The following LMAN2 variants were observed in gnomAD, a reference collection of about 807,000 sequenced individuals.
The protein encoded by LMAN2 is vesicular integral-membrane protein VIP36.
In LMAN2, 22 loss-of-function variants were observed where a neutral mutation model predicts 39.3. The ratio of observed to expected loss-of-function variants is 0.56; its 90% CI spans 0.40 to 0.80. The LOEUF is 0.80. LMAN2 is among the 30% of genes least tolerant of loss of function. LMAN2 has a pLI of 0.00. For synonymous variants in LMAN2, 207 were observed against 207.8 expected (o/e 1.00, Z 0.03); for missense variants, 494 against 505.4 (o/e 0.98, Z 0.22).
intron 7 of LMAN2, among the ~76,000 whole-genome samples, chr5:177,333,169 G>A (rs1212295343): frequency 6.6e-6 from 1 of 152,202 alleles, no homozygotes; most frequent in Non-Finnish European, 1.5e-5. Context: ...TGCTTCCCCA[G>A]AAAGCCACTC....
At position 177,332,693 on chromosome 5, in the gene LMAN2, G is replaced by A. The variant is rs1761408152; in HGVS notation, c.911-447C>T. ...GCTGGATGCTCTCGGCAGCCCCCCA[G>A]GAGGGTCTCCCAGGACCTGAGTCCC... On this transcript the variant is annotated intron_variant, in intron 7 of 7. Transcript: ENST00000303127. This position sits in a 1 kb window ranked among gnomAD's most constrained non-coding sequence, Gnocchi z 6.3. Among the ~76,000 whole-genome samples the A allele has an allele frequency of 6.6e-6, 1 of 152,038 alleles. No homozygotes were observed. Among genetic ancestry groups the A allele is most frequent in the Admixed American group, 6.5e-5 (1 of 15,276 alleles).
intron 2 of LMAN2, among the ~76,000 whole-genome samples, chr5:177,340,388 T>C (rs972313003): frequency 5.9e-5 from 9 of 152,214 alleles, no homozygotes; most frequent in Non-Finnish European, 1.0e-4. Flanking sequence ...TACATGGGTA[T>C]ACTGCACCCA....
chr5:177,345,740 T>C lies in LMAN2; in HGVS notation c.315+5433A>G, dbSNP rs540965566. On this transcript the variant is annotated intron_variant, in intron 2 of 7. Transcript: ENST00000303127. ...GCTCGCAGCAGCCATGGCATGCATT[T>C]ATTTATTTATTTATTTATTTATTTA... 7.0e-3 allele frequency among the ~76,000 whole-genome samples: 874 copies of C among 123,992 alleles called. 11 individuals are homozygous for C. Among genetic ancestry groups the C allele is most frequent in the African/African-American group, 0.029 (810 of 27,980 alleles). 81.3% of individuals were successfully genotyped at this position (123,992 alleles called of 152,430 possible).
chr5:177,350,276 C>A (rs962983141), intron 2 of LMAN2, among the ~76,000 whole-genome samples: 41 of 152,320 alleles, frequency 2.7e-4, no homozygotes, highest in African/African-American at 9.4e-4. Context: ...AAAACTAGAA[C>A]ACTGGCCAAC....
intron 2 of LMAN2, among the ~76,000 whole-genome samples, chr5:177,344,150 C>T (rs945055438): frequency 1.3e-5 from 2 of 150,968 alleles, no homozygotes; most frequent in Admixed American, 1.3e-4. Flanking sequence ...TCCAGGAGTT[C>T]GAGGCTGCAA....
intron 2 of LMAN2, among the ~76,000 whole-genome samples, chr5:177,347,349 CAT>C (rs947265790): frequency 5.9e-5 from 9 of 152,154 alleles, no homozygotes; most frequent in East Asian, 1.9e-4. Flanking sequence ...GGAATGAGCA[CAT>C]GAGACAGTGG....
At chr5:177,333,823 C>G (rs1335690775) in intron 7 of LMAN2, among the ~76,000 whole-genome samples, 1 of 150,204 alleles carries the variant, frequency 6.7e-6, no homozygotes, top group Admixed American at 6.6e-5. Context: ...CTCCTTCTAG[C>G]TAAGGAATCC....
chr5:177,335,825 A>C (rs1176134130), intron 6 of LMAN2, among the ~76,000 whole-genome samples: 1 of 152,192 alleles, frequency 6.6e-6, no homozygotes, highest in Non-Finnish European at 1.5e-5. Context: ...CCTGAGGATA[A>C]ACCGCCCATG....
At position 177,337,347 on chromosome 5, in the gene LMAN2, C is replaced by T. The variant is rs1389822905; in HGVS notation, c.675+16G>A. ...CAGGGCCACCAGCTGCCACCCCCAC[C>T]GCCTAGCCTGCTCACCGTCAGACGG... On this transcript the variant is annotated intron_variant, in intron 5 of 7. Transcript: ENST00000303127. This position sits in a 1 kb window ranked among gnomAD's most constrained non-coding sequence, Gnocchi z 8.2. The T allele has an allele frequency of 3.7e-6, 6 of 1,610,312 alleles. No homozygotes were observed. The highest frequency in any genetic ancestry group is 1.7e-5 in the Admixed American group (1 of 59,970).
intron 2 of LMAN2, among the ~76,000 whole-genome samples, chr5:177,344,908 A>AAAAAG (rs538648631): frequency 0.021 from 3,238 of 151,562 alleles, 102 homozygotes; most frequent in African/African-American, 0.075. Context: ...CCTGTCTCAA[A>AAAAAG]AAAAGAAAAG....
intron 2 of LMAN2, among the ~76,000 whole-genome samples, chr5:177,344,147 G>A (rs1761599096): frequency 6.6e-6 from 1 of 151,426 alleles, no homozygotes; most frequent in African/African-American, 2.4e-5. Flanking sequence ...GACTCCAGGA[G>A]TTCGAGGCTG....
intron 2 of LMAN2, among the ~76,000 whole-genome samples, chr5:177,344,954 A>G (rs1316289008): frequency 8.6e-5 from 13 of 151,930 alleles, no homozygotes; most frequent in African/African-American, 3.1e-4. Context: ...AGAGAAAAGA[A>G]AAGGAAGAAA....
intron 2 of LMAN2, among the ~76,000 whole-genome samples, chr5:177,349,888 G>A (rs1396881048): frequency 2.6e-5 from 4 of 152,208 alleles, no homozygotes; most frequent in Admixed American, 6.5e-5. Flanking sequence ...AGATGAGAAG[G>A]AACCAAGCAG....
intron 2 of LMAN2, among the ~76,000 whole-genome samples, chr5:177,345,152 C>T (rs944173937): frequency 2.1e-5 from 3 of 144,818 alleles, no homozygotes; most frequent in African/African-American, 7.7e-5. Context: ...CCAGCCTAGT[C>T]AACATGGTGA....
At chr5:177,347,344 G>C (rs1455376390) in intron 2 of LMAN2, among the ~76,000 whole-genome samples, 1 of 152,168 alleles carries the variant, frequency 6.6e-6, no homozygotes, top group Non-Finnish European at 1.5e-5. Flanking sequence ...TTTCAGGAAT[G>C]AGCACATGAG....
At chr5:177,346,283 A>G in intron 2 of LMAN2, 1 of 283,926 alleles carries the variant, frequency 3.5e-6, no homozygotes, top group Non-Finnish European at 6.9e-6. Flanking sequence ...ACTCCTTGTG[A>G]AGGTTCTAAC....
intron 2 of LMAN2, among the ~76,000 whole-genome samples, chr5:177,339,924 C>T (rs1464989916): frequency 6.6e-6 from 1 of 152,072 alleles, no homozygotes; most frequent in East Asian, 1.9e-4. Context: ...GCACCAGGAA[C>T]CCAGATAACA....
chr5:177,333,530 A>C (rs1279920849), intron 7 of LMAN2, among the ~76,000 whole-genome samples: 1 of 152,220 alleles, frequency 6.6e-6, no homozygotes, highest in Admixed American at 6.5e-5. Flanking sequence ...AAAACACTGG[A>C]TCTTGGCTTC....
At chr5:177,346,653 T>A (rs372236647) in intron 2 of LMAN2, among the ~76,000 whole-genome samples, 1 of 151,876 alleles carries the variant, frequency 6.6e-6, no homozygotes, top group Non-Finnish European at 1.5e-5. Flanking sequence ...CAAATCCATA[T>A]ACAGAAATTT....
Sources: gnomAD v4.1 joint callset for allele counts (sites outside exome capture counted in the v4.1 genomes callset) on GRCh38, gnomAD v4.1.1 for gene constraint, Gnocchi (gnomAD v3.1) non-coding constraint, MANE v1.5 for transcripts, NCBI Gene and HGNC (gene_info 2026-07-23, HGNC 2026-07-21) for gene names.